The following KHDRBS3 variants were observed in gnomAD, a reference collection of about 807,000 sequenced individuals.
The protein encoded by KHDRBS3 is KH domain-containing, RNA-binding, signal transduction-associated protein 3.
KHDRBS3 carries 23 observed loss-of-function variants against 45.6 expected under a neutral mutation model. The observed-to-expected ratio is 0.50, with a 90% CI of 0.36 to 0.72. KHDRBS3 has a LOEUF of 0.72. Among genes scored for constraint, KHDRBS3 ranks in the 30% least tolerant of loss-of-function variants. KHDRBS3 has a pLI of 0.00. For synonymous variants in KHDRBS3, 162 were observed against 156.5 expected (o/e 1.04, Z -0.26); for missense variants, 352 against 424.8 (o/e 0.83, Z 1.51).
At chr8:135,524,696 TG>T (rs1279118951) in intron 2 of KHDRBS3, among the ~76,000 whole-genome samples, 1 of 151,826 alleles carries the variant, frequency 6.6e-6, no homozygotes, top group Non-Finnish European at 1.5e-5. Flanking sequence ...TCTGTGGCTC[TG>T]TTTTTTTTTT....
chr8:135,647,139 C>CATAGAA lies in KHDRBS3; in HGVS notation c.*56_*57insTAGAAA. 1 of 768,214 alleles carries CATAGAA rather than the reference C, an allele frequency of 1.3e-6. No homozygotes were observed. Among genetic ancestry groups the CATAGAA allele is most frequent in the Non-Finnish European group, 2.1e-6 (1 of 476,408 alleles). 47.6% of individuals were successfully genotyped at this position (768,214 alleles called of 1,614,324 possible). On this transcript the variant is annotated 3_prime_UTR_variant, in exon 9 of 9. Coordinates refer to ENST00000355849, the MANE Select transcript of KHDRBS3 (RefSeq NM_006558.3). ...ATCTCCACCAGTCCTGTATACTGTTCAAAGTAATTTTTTTCTATGAACAAT... is the reference window on the plus strand; with the variant it reads ...ATCTCCACCAGTCCTGTATACTGTTCATAGAAAAAGTAATTTTTTTCTATGAACAAT...
At chr8:135,593,404 T>G (rs1828835018) in intron 6 of KHDRBS3, 4 of 152,242 alleles carry the variant, frequency 2.6e-5, no homozygotes. Flanking sequence ...TAAGTACTTT[T>G]ATTTTTCTTA....
chr8:135,648,708 A>G (rs1430547452), downstream of KHDRBS3: 1 of 152,180 alleles, frequency 6.6e-6, no homozygotes, highest in Non-Finnish European at 1.5e-5. Context: ...TCCTAGTACA[A>G]CACTAGTGAT....
chr8:135,510,060 G>T (rs1824200624), intron 1 of KHDRBS3, among the ~76,000 whole-genome samples: 1 of 144,252 alleles, frequency 6.9e-6, no homozygotes, highest in Admixed American at 7.2e-5. Context: ...GGTCACTACA[G>T]CCTTGACCTC....
At chr8:135,612,738 G>A (rs1829755704) in intron 7 of KHDRBS3, among the ~76,000 whole-genome samples, 1 of 151,714 alleles carries the variant, frequency 6.6e-6, no homozygotes, top group Non-Finnish European at 1.5e-5. Context: ...TTATGCAGTA[G>A]GAGGGAGCAC....
chr8:135,585,910 G>C (rs1405921144), intron 6 of KHDRBS3, among the ~76,000 whole-genome samples: 1 of 152,022 alleles, frequency 6.6e-6, no homozygotes, highest in African/African-American at 2.4e-5. Context: ...CTAAGTTCCT[G>C]GTAAAAGCAT....
chr8:135,520,419 G>T (rs900166543), intron 1 of KHDRBS3, among the ~76,000 whole-genome samples: 1 of 152,134 alleles, frequency 6.6e-6, no homozygotes, highest in Non-Finnish European at 1.5e-5. Flanking sequence ...AATTTTCTAG[G>T]ATCTGGAACT....
chr8:135,491,863 G>A (rs1823170784), intron 1 of KHDRBS3, among the ~76,000 whole-genome samples: 1 of 151,498 alleles, frequency 6.6e-6, no homozygotes, highest in Non-Finnish European at 1.5e-5. Flanking sequence ...TTAAGGCAGT[G>A]ACAAATTAAG....
chr8:135,622,457 A>T (rs978827285), intron 7 of KHDRBS3, among the ~76,000 whole-genome samples: 8 of 152,242 alleles, frequency 5.3e-5, no homozygotes, highest in African/African-American at 1.9e-4. Flanking sequence ...AACACTAAAA[A>T]CCATTTGCTG....
At chr8:135,588,730 T>C (rs1323740120) in intron 6 of KHDRBS3, among the ~76,000 whole-genome samples, 3 of 152,222 alleles carry the variant, frequency 2.0e-5, no homozygotes, top group Non-Finnish European at 4.4e-5. Context: ...TTTTAGGAGC[T>C]GTGAGCCAGG....
At chr8:135,551,371 T>C (rs1826590660) in intron 4 of KHDRBS3, among the ~76,000 whole-genome samples, 1 of 152,188 alleles carries the variant, frequency 6.6e-6, no homozygotes, top group East Asian at 1.9e-4. Flanking sequence ...CACCATTGGC[T>C]ATAGGTTTTT....
chr8:135,519,247 A>G (rs1324169819), intron 1 of KHDRBS3, among the ~76,000 whole-genome samples: 1 of 152,076 alleles, frequency 6.6e-6, no homozygotes, highest in African/African-American at 2.4e-5. Context: ...TAGTGTTTTC[A>G]GACACTTACC....
intron 6 of KHDRBS3, among the ~76,000 whole-genome samples, chr8:135,603,000 A>T (rs1163182627): frequency 6.6e-6 from 1 of 152,078 alleles, no homozygotes; most frequent in African/African-American, 2.4e-5. Context: ...CATTCTGCCT[A>T]ATTTTAATTT....
intron 2 of KHDRBS3, among the ~76,000 whole-genome samples, chr8:135,525,120 A>G (rs1825114325): frequency 6.6e-6 from 1 of 152,136 alleles, no homozygotes; most frequent in Non-Finnish European, 1.5e-5. Flanking sequence ...TTGTGAATGT[A>G]CATTGTAGAA....
At chr8:135,640,216 T>G (rs1023788435) in intron 7 of KHDRBS3, among the ~76,000 whole-genome samples, 9 of 152,202 alleles carry the variant, frequency 5.9e-5, no homozygotes, top group Non-Finnish European at 1.2e-4. Flanking sequence ...CGTAGTGATT[T>G]AGAGCTTCCT....
intron 7 of KHDRBS3, among the ~76,000 whole-genome samples, chr8:135,611,821 A>C (rs1276806002): frequency 1.3e-5 from 2 of 151,864 alleles, no homozygotes; most frequent in Non-Finnish European, 2.9e-5. Flanking sequence ...TTCAGCACAC[A>C]AAATGCACAT....
At chr8:135,628,327 T>C (rs1473082844) in intron 7 of KHDRBS3, among the ~76,000 whole-genome samples, 1 of 152,274 alleles carries the variant, frequency 6.6e-6, no homozygotes, top group African/African-American at 2.4e-5. Context: ...TAGTGGGTGC[T>C]CTGTAAATAT....
At chr8:135,489,923 G>T (rs1002059010) in intron 1 of KHDRBS3, among the ~76,000 whole-genome samples, 2 of 152,086 alleles carry the variant, frequency 1.3e-5, no homozygotes, top group Non-Finnish European at 1.5e-5. Context: ...TCCATTCATG[G>T]TAAGTGCCTT....
At chr8:135,536,295 T>A (rs1374879520) in intron 2 of KHDRBS3, among the ~76,000 whole-genome samples, 3 of 145,466 alleles carry the variant, frequency 2.1e-5, no homozygotes, top group African/African-American at 5.0e-5. Flanking sequence ...TGACGTTCCT[T>A]CCAACTCTGT....
Sources: allele counts gnomAD v4.1 joint callset (sites outside exome capture counted in the v4.1 genomes callset), GRCh38; gene constraint gnomAD v4.1.1; transcripts MANE v1.5; gene names NCBI Gene and HGNC (gene_info 2026-07-23, HGNC 2026-07-21).